Variants in MARK1 observed in about 807,000 individuals in gnomAD.
The protein encoded by MARK1 is serine/threonine-protein kinase MARK1.
In MARK1, 40 loss-of-function variants were observed where a neutral mutation model predicts 96.3. The ratio of observed to expected loss-of-function variants is 0.42; its 90% CI spans 0.32 to 0.54. MARK1 has a LOEUF of 0.54. Ranked by LOEUF, MARK1 falls within the 20% of genes least tolerant of loss-of-function variation. MARK1 has a pLI of 0.16. For synonymous variants in MARK1, 317 were observed against 341.2 expected (o/e 0.93, Z 0.78); for missense variants, 719 against 984.6 (o/e 0.73, Z 3.61).
At chr1:220,590,358 G>C (rs979415259) in intron 3 of MARK1, among the ~76,000 whole-genome samples, 1 of 152,270 alleles carries the variant, frequency 6.6e-6, no homozygotes, top group Non-Finnish European at 1.5e-5. Flanking sequence ...CCTTTCTAGA[G>C]TCTGGAAATT....
Position 220,652,796 on chromosome 1 carries a change from T to G in MARK1, c.1737-305T>G, listed in dbSNP as rs566399247. Among the ~76,000 whole-genome samples the G allele has an allele frequency of 3.3e-5, 5 of 152,308 alleles. No homozygotes were observed. In the East Asian group the frequency reaches 9.6e-4, roughly 29 times the overall value. ...AAACAATAAAATTTGTGTTCAACAT[T>G]GCTAAGTGGTTTCAGGAGAATATTA... On this transcript the variant is annotated intron_variant, in intron 15 of 17. Coordinates refer to ENST00000366917, the MANE Select transcript of MARK1 (RefSeq NM_018650.5).
At chr1:220,530,137 AAGAG>A (rs746521717) in intron 1 of MARK1, among the ~76,000 whole-genome samples, 4 of 152,212 alleles carry the variant, frequency 2.6e-5, no homozygotes, top group Non-Finnish European at 5.9e-5. Flanking sequence ...TAACTATACA[AAGAG>A]AGAAGAAATT....
At chr1:220,569,664 C>A (rs1263576977) in intron 1 of MARK1, among the ~76,000 whole-genome samples, 1 of 152,008 alleles carries the variant, frequency 6.6e-6, no homozygotes, top group African/African-American at 2.4e-5. Context: ...TTTATTACTT[C>A]TTCATTGATA....
At chr1:220,579,022 T>C (rs1304920987) in intron 1 of MARK1, among the ~76,000 whole-genome samples, 1 of 152,016 alleles carries the variant, frequency 6.6e-6, no homozygotes, top group East Asian at 1.9e-4. Flanking sequence ...TTTGTGTTTT[T>C]GTAGAGATGG....
At position 220,574,330 on chromosome 1, in the gene MARK1, G is replaced by A. The variant is rs1042566184; in HGVS notation, c.52-5024G>A. Among the ~76,000 whole-genome samples, 4 of 152,348 alleles carry A rather than the reference G, an allele frequency of 2.6e-5. 1 individual carries two copies. The highest frequency in any genetic ancestry group is 6.5e-5 in the Admixed American group (1 of 15,300). On this transcript the variant is annotated intron_variant, in intron 1 of 17. Coordinates refer to ENST00000366917, the MANE Select transcript of MARK1 (RefSeq NM_018650.5). ...GCCTTGTTCTAATGTGTTCCTTAGA[G>A]GTTGTCTTGCTTATACATCGTTTGG...
At chr1:220,616,486 A>G (rs1197541052) in intron 7 of MARK1, among the ~76,000 whole-genome samples, 1 of 152,232 alleles carries the variant, frequency 6.6e-6, no homozygotes, top group Non-Finnish European at 1.5e-5. Context: ...GTTGTGCCAC[A>G]TAGATTTTGT....
intron 1 of MARK1, among the ~76,000 whole-genome samples, chr1:220,548,516 G>A (rs1430741810): frequency 1.3e-5 from 2 of 152,166 alleles, no homozygotes; most frequent in Non-Finnish European, 2.9e-5. Flanking sequence ...GAGACTGGCG[G>A]ATCACATGAG....
chr1:220,568,115 A>G lies in MARK1; in HGVS notation c.52-11239A>G, dbSNP rs1385500803. 5.3e-5 allele frequency among the ~76,000 whole-genome samples: 8 copies of G among 152,210 alleles called. 1 individual carries two copies. The South Asian group carries it at 1.7e-3, about 32-fold the overall frequency. ...AATATTGTTAAATTATTGTATTTGA[A>G]CCTTTTTGGTACTTCTTGATATTTG... On this transcript the variant is annotated intron_variant, in intron 1 of 17. Coordinates refer to ENST00000366917, the MANE Select transcript of MARK1 (RefSeq NM_018650.5).
At chr1:220,534,642 A>G (rs4481855) in intron 1 of MARK1, among the ~76,000 whole-genome samples, 6,748 of 152,182 alleles carry the variant, frequency 0.044, 190 homozygotes, top group Middle Eastern at 0.075. Context: ...ATCTTGTGTG[A>G]CTGAAACAGT....
intron 9 of MARK1, among the ~76,000 whole-genome samples, chr1:220,629,172 A>G (rs1469895787): frequency 2.6e-5 from 4 of 152,160 alleles, no homozygotes; most frequent in Non-Finnish European, 4.4e-5. Flanking sequence ...AAAGATGGAG[A>G]ATGTACTTTA....
At chr1:220,598,532 G>T (rs917808734) in intron 4 of MARK1, among the ~76,000 whole-genome samples, 153 bp downstream of exon 4, 2 of 151,270 alleles carry the variant, frequency 1.3e-5, no homozygotes, top group African/African-American at 4.8e-5. Flanking sequence ...CCCAGGAAGT[G>T]ATACTTTGGG....
chr1:220,635,755 A>T, intron 12 of MARK1, 78 bp from the exon 13 acceptor site: 1 of 1,288,252 alleles, frequency 7.8e-7, no homozygotes, highest in Non-Finnish European at 1.1e-6. Context: ...GATAATTTTA[A>T]TACAGAGTTT....
chr1:220,542,298 T>TG (rs1334413338), intron 1 of MARK1, among the ~76,000 whole-genome samples: 2 of 152,240 alleles, frequency 1.3e-5, no homozygotes, highest in Non-Finnish European at 2.9e-5. Context: ...AATTTGTTTC[T>TG]GGTAATTCCA....
Position 220,650,636 on chromosome 1 carries a change from G to A in MARK1, c.1487G>A (p.Gly496Glu). The A allele has an allele frequency of 6.2e-7, 1 of 1,605,224 alleles. No homozygotes were observed. Among genetic ancestry groups the A allele is most frequent in the Non-Finnish European group, 8.5e-7 (1 of 1,172,544 alleles). The change falls in exon 14 of 18, where the codon GGA (glycine) becomes GAA (glutamate). Residue 496 changes from glycine (G) to glutamate (E), a missense_variant. Physicochemically the swap from Gly to Glu is moderately conservative, Grantham distance 98 (BLOSUM62 -2). Around this residue, in one of 4 missense-constraint regions of MARK1, gnomAD observed 501 missense variants for 588.3 expected, o/e 0.85. Transcript: ENST00000366917. ...TTCTTGAAGAACAATGTGTATTCTGGAGGTAGCATGGCAAGAAGGAATACA... is the reference window on the plus strand; with the variant it reads ...TTCTTGAAGAACAATGTGTATTCTGAAGGTAGCATGGCAAGAAGGAATACA... ...STIPSNNVYS[G>E]GSMARRNTYV... is the part of the protein sequence containing the mutation.
chr1:220,635,319 G>A, intron 11 of MARK1, 57 bp from the exon 12 acceptor site: 2 of 1,346,954 alleles, frequency 1.5e-6, no homozygotes, highest in Non-Finnish European at 2.0e-6. Context: ...CAGTGTTTGT[G>A]CAAACTTTTT....
At chr1:220,532,575 A>G (rs192277091) in intron 1 of MARK1, among the ~76,000 whole-genome samples, 36 of 152,326 alleles carry the variant, frequency 2.4e-4, no homozygotes, top group Non-Finnish European at 3.4e-4. Flanking sequence ...AAGCCTTCAG[A>G]GAGAAAATTT....
At position 220,581,050 on chromosome 1, in the gene MARK1, ATTC is replaced by A. The variant is rs1399981703; in HGVS notation, c.256-9_256-7del. ...TGCATTTTTCAAATAGAGTTTAATGATTCTTCTTTTTTAGGTTGCTGTGAAAAT... is the reference window on the plus strand; with the variant it reads ...TGCATTTTTCAAATAGAGTTTAATGATTCTTTTTTAGGTTGCTGTGAAAAT... On this transcript the variant is annotated splice_polypyrimidine_tract_variant and intron_variant, in intron 2 of 17. Transcript: ENST00000366917. The A allele has an allele frequency of 5.8e-6, 7 of 1,197,690 alleles. No homozygotes were observed. Among genetic ancestry groups the A allele is most frequent in the South Asian group, 2.3e-5 (1 of 43,232 alleles). The allele number at this position is 1,197,690 out of a possible 1,614,324, so 74.2% of individuals were successfully genotyped here.
At chr1:220,633,394 A>AG (rs1282125398) in intron 11 of MARK1, among the ~76,000 whole-genome samples, 1 of 151,578 alleles carries the variant, frequency 6.6e-6, no homozygotes, top group Non-Finnish European at 1.5e-5. Context: ...TATTTTAGAG[A>AG]GAAAAAGCTG....
chr1:220,638,779 G>A (rs1668115655), intron 13 of MARK1, among the ~76,000 whole-genome samples: 2 of 151,804 alleles, frequency 1.3e-5, no homozygotes, highest in Non-Finnish European at 2.9e-5. Flanking sequence ...TTTTAATTTT[G>A]GTAGTTTGAG....
Sources: gnomAD v4.1 joint callset for allele counts (sites outside exome capture counted in the v4.1 genomes callset) on GRCh38, gnomAD v4.1.1 for gene constraint, gnomAD v4.1.1 regional missense constraint, MANE v1.5 for transcripts, NCBI Gene and HGNC (gene_info 2026-07-23, HGNC 2026-07-21) for gene names.